AJAP1: variants seen among roughly 807,000 people sequenced by gnomAD.
AJAP1 encodes the protein adherens junction-associated protein 1.
In AJAP1, 5 loss-of-function variants were observed where a neutral mutation model predicts 35.0. The observed-to-expected ratio is 0.14, with a 90% CI of 0.07 to 0.30. The LOEUF (loss-of-function observed/expected upper bound fraction) is 0.30, where lower values mean the gene tolerates loss of function less well. AJAP1 is among the 10% of genes least tolerant of loss of function. The pLI is 1.00. For missense variants in AJAP1, 586 were observed against 571.0 expected, an observed-to-expected ratio of 1.03 and a Z score of -0.27; for synonymous variants, 284 against 249.3, an observed-to-expected ratio of 1.14 and a Z score of -1.31.
chr1:4,740,585 A>G (rs1289708305), intron 2 of AJAP1, among the ~76,000 whole-genome samples: 1 of 151,850 alleles, frequency 6.6e-6, no homozygotes, highest in Admixed American at 6.6e-5. Context: ...GGAGATCGAG[A>G]CCATCCTGGC....
intron 1 of AJAP1, among the ~76,000 whole-genome samples, chr1:4,709,916 C>CT (rs1170291693): frequency 1.3e-5 from 2 of 152,178 alleles, no homozygotes; most frequent in African/African-American, 4.8e-5. Flanking sequence ...ATCCTGATGA[C>CT]TGGGGGGCCA....
At position 4,693,728 on chromosome 1, in the gene AJAP1, G is replaced by A. The variant is rs866083550; in HGVS notation, c.30-18172G>A. Among the ~76,000 whole-genome samples the A allele has an allele frequency of 1.3e-5, 2 of 152,214 alleles. No individual in the cohort carries two copies. Among genetic ancestry groups the A allele is most frequent in the Admixed American group, 1.3e-4 (2 of 15,290 alleles). On this transcript the variant is annotated intron_variant, in intron 1 of 5. Coordinates refer to ENST00000378191, the MANE Select transcript of AJAP1 (RefSeq NM_018836.4). The surrounding 1 kb of genome is among the most constrained non-coding windows in gnomAD (Gnocchi z 4.4). ...GGGCACCCAAGGTCAAGGGGCCCAC[G>A]TCTCGCTGGGGCTTCTTGCTGTGTA... is the stretch of plus-strand genomic sequence containing the variant.
At chr1:4,662,652 G>A (rs780906538) in intron 1 of AJAP1, among the ~76,000 whole-genome samples, 23 of 152,174 alleles carry the variant, frequency 1.5e-4, no homozygotes, top group Non-Finnish European at 2.5e-4. Context: ...CTTATGTGTC[G>A]TTAGATGGAT....
chr1:4,751,440 T>A (rs1641318771), intron 2 of AJAP1, among the ~76,000 whole-genome samples: 1 of 151,586 alleles, frequency 6.6e-6, no homozygotes, highest in Admixed American at 6.6e-5. Context: ...GCAAGGAGAG[T>A]GCTGAAAAGA....
chr1:4,730,089 G>A (rs926315840), intron 2 of AJAP1, among the ~76,000 whole-genome samples: 5 of 152,176 alleles, frequency 3.3e-5, no homozygotes, highest in East Asian at 1.9e-4. Context: ...GGTCCACAGC[G>A]TCCGCAGAGG....
chr1:4,739,049 C>T (rs867365710), intron 2 of AJAP1, among the ~76,000 whole-genome samples: 2 of 152,164 alleles, frequency 1.3e-5, no homozygotes, highest in East Asian at 1.9e-4. Flanking sequence ...TCCTCTCTCC[C>T]GGGAGATTGC....
At chr1:4,748,879 A>T (rs1017734541) in intron 2 of AJAP1, among the ~76,000 whole-genome samples, 1 of 152,152 alleles carries the variant, frequency 6.6e-6, no homozygotes, top group Non-Finnish European at 1.5e-5. Flanking sequence ...TTAGAAGCAG[A>T]GAGCAGCCCT....
intron 1 of AJAP1, among the ~76,000 whole-genome samples, chr1:4,700,758 C>T (rs1359259585): frequency 6.6e-6 from 1 of 152,108 alleles, no homozygotes; most frequent in Non-Finnish European, 1.5e-5. Flanking sequence ...GCCCAGCAGC[C>T]GAGGCTGCAC....
At chr1:4,767,350 A>G (rs550813427) in intron 2 of AJAP1, among the ~76,000 whole-genome samples, 5 of 152,118 alleles carry the variant, frequency 3.3e-5, no homozygotes, top group East Asian at 1.9e-4. Flanking sequence ...CACCATCATT[A>G]TCACCATCAC....
intron 1 of AJAP1, among the ~76,000 whole-genome samples, chr1:4,696,885 TCCATGTGTGC>T (rs1251426137): frequency 6.6e-6 from 1 of 152,120 alleles, no homozygotes; most frequent in African/African-American, 2.4e-5. Context: ...GCACCTGTGT[TCCATGTGTGC>T]ATATGACTGT....
intron 2 of AJAP1, among the ~76,000 whole-genome samples, chr1:4,725,876 G>A (rs920508135): frequency 1.3e-5 from 2 of 152,180 alleles, no homozygotes; most frequent in Non-Finnish European, 2.9e-5. Context: ...GCATGGATTA[G>A]AGTCCACCCT....
chr1:4,674,558 C>A (rs746758310), intron 1 of AJAP1, among the ~76,000 whole-genome samples: 5 of 152,204 alleles, frequency 3.3e-5, no homozygotes, highest in Admixed American at 2.0e-4. Flanking sequence ...AGCAGAAATA[C>A]GGAGGGGGCT....
rs1433042115 is a variant in AJAP1, at chr1:4,711,883, C to T, written c.30-17C>T. The T allele has an allele frequency of 3.4e-6, 5 of 1,449,516 alleles. No individual in the cohort carries two copies. The highest frequency in any genetic ancestry group is 3.6e-6 in the Non-Finnish European group (4 of 1,101,160). 89.8% of individuals were successfully genotyped at this position (1,449,516 alleles called of 1,614,324 possible). A position where few individuals can be genotyped will look rare whatever the true frequency, so the allele number is the denominator to read the frequency against. On this transcript the variant is annotated splice_polypyrimidine_tract_variant and intron_variant, in intron 1 of 5. Coordinates refer to ENST00000378191, the MANE Select transcript of AJAP1 (RefSeq NM_018836.4). Reference sequence around the variant, plus strand: ...GGCTTCCACTGACCGCTCTTCTCTCCTTTCCCCCCCGCACAGCTCCATGTC... The same window carrying T: ...GGCTTCCACTGACCGCTCTTCTCTCTTTTCCCCCCCGCACAGCTCCATGTC...
chr1:4,751,866 G>A (rs1641327299), intron 2 of AJAP1, among the ~76,000 whole-genome samples: 1 of 152,228 alleles, frequency 6.6e-6, no homozygotes, highest in African/African-American at 2.4e-5. Context: ...GGCAGGGCCG[G>A]AACAGAAGTT....
rs1302869291 is a variant in AJAP1 at position 4,685,256 on chromosome 1, A to G, written c.30-26644A>G. The stretch of plus-strand genomic sequence containing the variant: ...AACCTTGGTTCTGCACCATCAATAC[A>G]TTACCTAATTCAATCATAAAATGGA... On this transcript the variant is annotated intron_variant, in intron 1 of 5. Transcript: ENST00000378191. Among the ~76,000 whole-genome samples the G allele has an allele frequency of 2.6e-5, 4 of 152,286 alleles. No homozygotes were observed. In the Middle Eastern group the frequency reaches 0.01, roughly 388 times the overall value.
At chr1:4,678,923 G>T (rs1639417107) in intron 1 of AJAP1, among the ~76,000 whole-genome samples, 1 of 152,230 alleles carries the variant, frequency 6.6e-6, no homozygotes, top group South Asian at 2.1e-4. Flanking sequence ...GAGTAGGTAT[G>T]CTCCTATCCT....
intron 2 of AJAP1, among the ~76,000 whole-genome samples, chr1:4,733,648 G>C (rs999958181): frequency 6.6e-6 from 1 of 151,530 alleles, no homozygotes; most frequent in African/African-American, 2.4e-5. Context: ...ATCCTGCTCC[G>C]AGCGCGGGAA....
rs559803223 is a variant in AJAP1, at chr1:4,704,947, G to A, written c.30-6953G>A. ...TGTTCATGTGTTTTTTGGCTGCATA[G>A]ATGTCTTCTTTTGAGAAGTGTCTGT... On this transcript the variant is annotated intron_variant, in intron 1 of 5. Coordinates refer to ENST00000378191, the MANE Select transcript of AJAP1 (RefSeq NM_018836.4). Among the ~76,000 whole-genome samples, 14 of 152,336 alleles carry A rather than the reference G, an allele frequency of 9.2e-5. No homozygotes were observed. In the South Asian group the frequency reaches 2.7e-3, roughly 29 times the overall value.
At chr1:4,781,863 G>T (rs1274052288) in intron 5 of AJAP1, among the ~76,000 whole-genome samples, 2 of 152,182 alleles carry the variant, frequency 1.3e-5, no homozygotes, top group Non-Finnish European at 2.9e-5. Context: ...CGAGGCTCGG[G>T]CTGGCTGGGT....
Sources: gnomAD v4.1 joint callset for allele counts (sites outside exome capture counted in the v4.1 genomes callset) on GRCh38, gnomAD v4.1.1 for gene constraint, Gnocchi (gnomAD v3.1) non-coding constraint, MANE v1.5 for transcripts, NCBI Gene and HGNC (gene_info 2026-07-23, HGNC 2026-07-21) for gene names.